ELAVL2: variants seen among roughly 807,000 people sequenced by gnomAD.
ELAVL2 encodes ELAV like RNA binding protein 2.
ELAVL2 carries 4 observed loss-of-function variants against 34.6 expected under a neutral mutation model. That is an observed-to-expected ratio of 0.12 (90% CI 0.06 to 0.26). The LOEUF is 0.26. ELAVL2 is among the 10% of genes least tolerant of loss of function. The pLI, the probability that ELAVL2 is intolerant of heterozygous loss-of-function variation, is 1.00. For missense variants in ELAVL2, 432 were observed against 442.8 expected (o/e 0.98, Z 0.22); for synonymous variants, 193 against 154.8 (o/e 1.25, Z -1.83).
chr9:23,795,022 T>C (rs1049222871), intron 1 of ELAVL2, among the ~76,000 whole-genome samples: 1 of 152,178 alleles, frequency 6.6e-6, no homozygotes, highest in Non-Finnish European at 1.5e-5. Flanking sequence ...TGCCTTATAA[T>C]AGCTTTTGAT....
intron 1 of ELAVL2, among the ~76,000 whole-genome samples, chr9:23,788,379 T>C (rs1364032687): frequency 1.3e-5 from 2 of 152,192 alleles, no homozygotes; most frequent in African/African-American, 4.8e-5. Flanking sequence ...GGAATAAATA[T>C]ATGAGATATG....
chr9:23,764,884 A>T, intron 1 of ELAVL2: 1 of 970,602 alleles, frequency 1.0e-6, no homozygotes, highest in South Asian at 1.5e-5. Flanking sequence ...GCCATACCAC[A>T]ATAGGTTAAA....
chr9:23,720,008 G>A (rs1362924222), intron 3 of ELAVL2, among the ~76,000 whole-genome samples: 1 of 151,722 alleles, frequency 6.6e-6, no homozygotes, highest in Non-Finnish European at 1.5e-5. Context: ...TGTATTTTAA[G>A]TAGAGACGTG....
intron 2 of ELAVL2, among the ~76,000 whole-genome samples, chr9:23,737,921 C>CA (rs201034344): frequency 3.7e-4 from 56 of 151,600 alleles, no homozygotes; most frequent in African/African-American, 1.1e-3. Context: ...GCCTTAACGA[C>CA]AAAAAAAAGC....
intron 2 of ELAVL2, among the ~76,000 whole-genome samples, chr9:23,736,510 A>G (rs2047925318): frequency 6.6e-6 from 1 of 152,134 alleles, no homozygotes; most frequent in African/African-American, 2.4e-5. Context: ...CTGCTGTTTA[A>G]ATACAATGGT....
chr9:23,699,756 C>T (rs550356208), intron 5 of ELAVL2, among the ~76,000 whole-genome samples: 6 of 149,182 alleles, frequency 4.0e-5, no homozygotes, highest in Non-Finnish European at 7.4e-5. Flanking sequence ...GGCAGCCCCA[C>T]GCATCTCCCA....
chr9:23,849,421 G>C, the ELAVL2 span: 1 of 152,184 alleles, frequency 6.6e-6, no homozygotes, highest in Non-Finnish European at 1.5e-5. Flanking sequence ...GTTGCTACCT[G>C]AGGAAGTGTG....
chr9:23,761,229 C>A (rs890275425), intron 2 of ELAVL2, among the ~76,000 whole-genome samples: 1 of 151,954 alleles, frequency 6.6e-6, no homozygotes, highest in African/African-American at 2.4e-5. Context: ...GTCTGTCTAC[C>A]TTCGTATATT....
the ELAVL2 span, among the ~76,000 whole-genome samples, chr9:23,846,369 C>A: frequency 0.4 from 61,022 of 151,498 alleles, 12,736 homozygotes; most frequent in East Asian, 0.52. Flanking sequence ...GTAAAAAAAT[C>A]AAATGATTTG....
In ELAVL2 at chr9:23,693,429, C is replaced by G. The variant is rs1310359587; in HGVS notation, c.752+19G>C. The G allele has an allele frequency of 6.2e-7, 1 of 1,613,858 alleles. No homozygotes were observed. Among genetic ancestry groups the G allele is most frequent in the Non-Finnish European group, 8.5e-7 (1 of 1,179,802 alleles). On this transcript the variant is annotated intron_variant, in intron 6 of 6. Transcript: ENST00000397312. ...AACTGTGGAAAGGGATTATGAGTAT[C>G]ATGAACCTCTATCATTACCTCTTTA...
At chr9:23,784,125 G>A (rs1250535702) in intron 1 of ELAVL2, among the ~76,000 whole-genome samples, 1 of 151,990 alleles carries the variant, frequency 6.6e-6, no homozygotes. Context: ...GTGAACCTGG[G>A]AGGCAGAGCT....
intron 1 of ELAVL2, among the ~76,000 whole-genome samples, chr9:23,786,252 T>C (rs2059664919): frequency 6.6e-6 from 1 of 152,128 alleles, no homozygotes; most frequent in Non-Finnish European, 1.5e-5. Context: ...TTTAAAAAAA[T>C]TATAACCATA....
At position 23,701,521 on chromosome 9, in the gene ELAVL2, G is replaced by T; in HGVS notation, c.571C>A (p.Pro191Thr). ...GTGATTGGCTCCGTGGCACCGGGAG[G>T]TTTCTGGCCATTTAGGCCTTTGATA... The part of the protein sequence containing the change: ...EAIKGLNGQK[P>T]PGATEPITVK... The change falls in exon 5 of 7, where the codon CCT becomes ACT. Residue 191 changes from proline (P) to threonine (T), a missense_variant. Physicochemically the swap from Pro to Thr is conservative, Grantham distance 38. Coordinates refer to ENST00000397312, the MANE Select transcript of ELAVL2 (RefSeq NM_004432.5). The T allele has an allele frequency of 1.2e-6, 2 of 1,614,098 alleles. No individual in the cohort carries two copies. The highest frequency in any genetic ancestry group is 8.5e-7 in the Non-Finnish European group (1 of 1,179,998).
At chr9:23,771,041 A>C (rs2057214339) in intron 1 of ELAVL2, among the ~76,000 whole-genome samples, 1 of 152,154 alleles carries the variant, frequency 6.6e-6, no homozygotes, top group African/African-American at 2.4e-5. Context: ...TTTTCAGCAA[A>C]AGAGTAGCAT....
chr9:23,834,833 A>T, the ELAVL2 span, among the ~76,000 whole-genome samples: 3 of 152,086 alleles, frequency 2.0e-5, no homozygotes, highest in Non-Finnish European at 4.4e-5. Flanking sequence ...ACCCATAAAA[A>T]GTTGTGGGTC....
rs1040348359 is a variant in ELAVL2 at position 23,787,087 on chromosome 9, G to A, written c.-15-24838C>T. Among the ~76,000 whole-genome samples the A allele has an allele frequency of 7.9e-5, 12 of 152,186 alleles. No individual in the cohort carries two copies. The East Asian group carries it at 1.9e-3, about 25-fold the overall frequency. ...AGGAAAGGGCAACAGATATATATAC[G>A]GCAAATGTGAGAAAGAATATGAGCA... On this transcript the variant is annotated intron_variant, in intron 1 of 6. Transcript: ENST00000397312.
intron 2 of ELAVL2, among the ~76,000 whole-genome samples, chr9:23,734,122 A>G (rs2047258188): frequency 6.6e-6 from 1 of 152,224 alleles, no homozygotes. Flanking sequence ...AAAAGACTGC[A>G]TTCCTAAACC....
At chr9:23,785,446 A>T (rs1388871095) in intron 1 of ELAVL2, among the ~76,000 whole-genome samples, 1 of 152,244 alleles carries the variant, frequency 6.6e-6, no homozygotes, top group South Asian at 2.1e-4. Context: ...AGGACTTAGG[A>T]TCTTTTAGTT....
chr9:23,726,363 T>A lies in ELAVL2; in HGVS notation c.333+4659A>T, dbSNP rs562846752. ...ATAACTTTTAAGCAAAGGTAAATTTTAGCCTGGTCTATAGCTGAATGATTA... is the reference window on the plus strand; with the variant it reads ...ATAACTTTTAAGCAAAGGTAAATTTAAGCCTGGTCTATAGCTGAATGATTA... On this transcript the variant is annotated intron_variant, in intron 3 of 6. Transcript: ENST00000397312. 2.8e-4 allele frequency among the ~76,000 whole-genome samples: 42 copies of A among 152,286 alleles called. No individual in the cohort carries two copies. In the East Asian group the frequency reaches 7.3e-3, roughly 27 times the overall value.
Sources: gnomAD v4.1 joint callset for allele counts (sites outside exome capture counted in the v4.1 genomes callset) on GRCh38, gnomAD v4.1.1 for gene constraint, MANE v1.5 for transcripts, NCBI Gene and HGNC (gene_info 2026-07-23, HGNC 2026-07-21) for gene names.